Variants in SLC22A15 observed in about 807,000 individuals in gnomAD.
The protein encoded by SLC22A15 is flipt 1.
SLC22A15 carries 45 observed loss-of-function variants against 62.7 expected under a neutral mutation model. The ratio of observed to expected loss-of-function variants is 0.72; its 90% CI spans 0.56 to 0.92. SLC22A15 has a LOEUF of 0.92. Ranked by LOEUF, SLC22A15 falls within the 40% of genes least tolerant of loss-of-function variation. The pLI is 0.00. For missense variants in SLC22A15, 622 were observed against 665.6 expected (o/e 0.93, Z 0.72); for synonymous variants, 264 against 267.0 (o/e 0.99, Z 0.11).
intron 4 of SLC22A15, among the ~76,000 whole-genome samples, chr1:116,024,092 C>T (rs1389419380): frequency 6.6e-6 from 1 of 152,122 alleles, no homozygotes; most frequent in Non-Finnish European, 1.5e-5. Flanking sequence ...GTCTCATATA[C>T]AGAAAGATTA....
At chr1:116,019,013 A>G (rs542308857) in intron 2 of SLC22A15, among the ~76,000 whole-genome samples, 2 of 152,342 alleles carry the variant, frequency 1.3e-5, no homozygotes, top group African/African-American at 4.8e-5. Context: ...AGCTATTGCA[A>G]ATACAGGTGC....
intron 8 of SLC22A15, among the ~76,000 whole-genome samples, chr1:116,038,589 C>A (rs959672442): frequency 3.3e-5 from 5 of 152,212 alleles, no homozygotes; most frequent in African/African-American, 9.6e-5. Flanking sequence ...ATTTTTTATT[C>A]TCTGAGCAAA....
chr1:116,011,374 C>T (rs752930193), intron 2 of SLC22A15, among the ~76,000 whole-genome samples: 1 of 152,118 alleles, frequency 6.6e-6, no homozygotes, highest in Non-Finnish European at 1.5e-5. Context: ...TGTCTACACT[C>T]CTTTTCAAGA....
intron 8 of SLC22A15, among the ~76,000 whole-genome samples, chr1:116,059,082 C>T (rs1483447702): frequency 6.6e-6 from 1 of 152,064 alleles, no homozygotes; most frequent in East Asian, 1.9e-4. Flanking sequence ...CCAAATACCA[C>T]CTGTACCTCA....
chr1:116,056,729 C>A (rs961923310), intron 8 of SLC22A15, among the ~76,000 whole-genome samples: 3 of 152,170 alleles, frequency 2.0e-5, no homozygotes, highest in Non-Finnish European at 4.4e-5. Context: ...TGGAACAGAA[C>A]AAAGCCCTCA....
chr1:115,979,349 A>C (rs189587937), intron 1 of SLC22A15, among the ~76,000 whole-genome samples: 1 of 152,340 alleles, frequency 6.6e-6, no homozygotes, highest in Admixed American at 6.5e-5. Context: ...ATAGCATTCA[A>C]CTTTGAGATA....
At chr1:115,999,402 C>T (rs980643987) in intron 2 of SLC22A15, among the ~76,000 whole-genome samples, 3 of 151,994 alleles carry the variant, frequency 2.0e-5, no homozygotes, top group Non-Finnish European at 4.4e-5. Flanking sequence ...CTGAAGTCTC[C>T]AGCAACTATT....
intron 2 of SLC22A15, among the ~76,000 whole-genome samples, chr1:116,011,693 G>A (rs922697034): frequency 3.9e-5 from 6 of 152,136 alleles, no homozygotes; most frequent in Non-Finnish European, 5.9e-5. Context: ...TGATGTGGCA[G>A]AAAGGAGAGA....
intron 2 of SLC22A15, among the ~76,000 whole-genome samples, chr1:116,019,037 G>A (rs140903371): frequency 6.6e-6 from 1 of 152,310 alleles, no homozygotes; most frequent in African/African-American, 2.4e-5. Context: ...GAACATGGGT[G>A]TACAAATATC....
intron 8 of SLC22A15, chr1:116,037,595 C>T (rs761144138): frequency 2.1e-6 from 1 of 483,794 alleles, no homozygotes; most frequent in African/African-American, 1.9e-5. Flanking sequence ...ACTATTAATT[C>T]TTTCAGGCTA....
intron 8 of SLC22A15, 173 bp downstream of exon 8, chr1:116,037,561 G>A: frequency 3.4e-6 from 2 of 591,782 alleles, no homozygotes; most frequent in South Asian, 4.1e-5. Context: ...CTATTCTCTG[G>A]GTGAATAATG....
At chr1:116,057,051 C>T (rs997835148) in intron 8 of SLC22A15, among the ~76,000 whole-genome samples, 4 of 151,940 alleles carry the variant, frequency 2.6e-5, no homozygotes, top group African/African-American at 9.7e-5. Flanking sequence ...CCAAAATTGA[C>T]AAATGGGATC....
intron 8 of SLC22A15, among the ~76,000 whole-genome samples, chr1:116,059,818 C>A (rs1459556415): frequency 6.6e-6 from 1 of 152,150 alleles, no homozygotes; most frequent in African/African-American, 2.4e-5. Context: ...GTGACTATAT[C>A]ATACTAAGAC....
At chr1:115,981,816 A>G (rs1654625685) in intron 1 of SLC22A15, among the ~76,000 whole-genome samples, 1 of 152,208 alleles carries the variant, frequency 6.6e-6, no homozygotes, top group Non-Finnish European at 1.5e-5. Flanking sequence ...GTGCCTTGAC[A>G]GTGAAGGTAT....
chr1:116,034,186 C>T (rs190069048), intron 6 of SLC22A15, among the ~76,000 whole-genome samples: 52 of 152,246 alleles, frequency 3.4e-4, no homozygotes, highest in Non-Finnish European at 6.0e-4. Flanking sequence ...AACAAAGCTT[C>T]GGTGTTTTAC....
chr1:116,060,299 A>G (rs926677342), intron 8 of SLC22A15, among the ~76,000 whole-genome samples: 18 of 152,248 alleles, frequency 1.2e-4, no homozygotes, highest in African/African-American at 4.3e-4. Context: ...TGGCAGGCAC[A>G]TACGAGAGAA....
At position 116,069,479 on chromosome 1, in the gene SLC22A15, T is replaced by G. The variant is rs989480851; in HGVS notation, c.*2371T>G. ...CTGTTTTTTTAATTCTATTCAAAAT[T>G]AAAAATTTTTTTTCCTAAAATAAAG... On this transcript the variant is annotated 3_prime_UTR_variant, in exon 12 of 12. Transcript: ENST00000369503. 6.6e-6 allele frequency: 1 copy of G among 152,094 alleles called. No homozygotes were observed. The highest frequency in any genetic ancestry group is 1.5e-5 in the Non-Finnish European group (1 of 68,002). 9.4% of individuals were successfully genotyped at this position (152,094 alleles called of 1,614,324 possible).
chr1:116,049,579 CCT>C (rs1658002751), intron 8 of SLC22A15, among the ~76,000 whole-genome samples: 1 of 152,060 alleles, frequency 6.6e-6, no homozygotes, highest in South Asian at 2.1e-4. Context: ...CCTATCAAAA[CCT>C]CTGTGATACA....
intron 8 of SLC22A15, among the ~76,000 whole-genome samples, chr1:116,048,946 A>C (rs1377104808): frequency 6.6e-6 from 1 of 152,218 alleles, no homozygotes; most frequent in South Asian, 2.1e-4. Flanking sequence ...TGAGCAGGGT[A>C]GCTATTCTTA....
Sources: allele counts gnomAD v4.1 joint callset (sites outside exome capture counted in the v4.1 genomes callset), GRCh38; gene constraint gnomAD v4.1.1; transcripts MANE v1.5; gene names NCBI Gene and HGNC (gene_info 2026-07-23, HGNC 2026-07-21).